The following ATRNL1 variants were observed in gnomAD, a reference collection of about 807,000 sequenced individuals.
The protein encoded by ATRNL1 is attractin like 1, also known as attractin-like protein 1.
Under a neutral mutation model 182.7 loss-of-function variants are expected in ATRNL1, and 95 were observed. The ratio of observed to expected loss-of-function variants is 0.52; its 90% CI spans 0.44 to 0.62. The LOEUF (loss-of-function observed/expected upper bound fraction) is 0.62, where lower values mean the gene tolerates loss of function less well. Among genes scored for constraint, ATRNL1 ranks in the 20% least tolerant of loss-of-function variants. The pLI, the probability that ATRNL1 is intolerant of heterozygous loss-of-function variation, is 0.00. For synonymous variants in ATRNL1, 576 were observed against 568.3 expected (o/e 1.01, Z -0.19); for missense variants, 1,471 against 1,679.5 (o/e 0.88, Z 2.17).
intron 24 of ATRNL1, among the ~76,000 whole-genome samples, chr10:115,499,380 C>CTAT (rs1849703153): frequency 2.0e-5 from 3 of 152,058 alleles, no homozygotes; most frequent in Admixed American, 2.0e-4. Flanking sequence ...TAAAATGAAA[C>CTAT]TATTTTAAGA....
intron 27 of ATRNL1, among the ~76,000 whole-genome samples, chr10:115,816,753 G>T (rs190079745): frequency 6.6e-6 from 1 of 152,040 alleles, no homozygotes; most frequent in Admixed American, 6.6e-5. Context: ...GTTTCTTCAC[G>T]TAATGCCTGT....
At chr10:115,513,740 A>G (rs570462002) in intron 24 of ATRNL1, among the ~76,000 whole-genome samples, 1 of 151,812 alleles carries the variant, frequency 6.6e-6, no homozygotes, top group East Asian at 1.9e-4. Context: ...CTGCAACAGT[A>G]TTTTCCATAG....
chr10:115,725,277 A>G (rs943907481), intron 26 of ATRNL1, among the ~76,000 whole-genome samples: 1 of 152,186 alleles, frequency 6.6e-6, no homozygotes, highest in South Asian at 2.1e-4. Flanking sequence ...GAACAAAAGT[A>G]TCAGTCACTG....
chr10:115,828,699 A>G (rs1950493808), intron 27 of ATRNL1, among the ~76,000 whole-genome samples: 1 of 152,130 alleles, frequency 6.6e-6, no homozygotes, highest in Admixed American at 6.5e-5. Flanking sequence ...TTTTATTACT[A>G]TTTCAGTGGC....
At chr10:115,340,591 G>T (rs1307695781) in intron 19 of ATRNL1, among the ~76,000 whole-genome samples, 1 of 145,806 alleles carries the variant, frequency 6.9e-6, no homozygotes. Context: ...AGAATAGTTT[G>T]AGTAGGATTG....
Position 115,240,375 on chromosome 10 carries a change from C to T in ATRNL1, c.1533-1196C>T, listed in dbSNP as rs564179832. Reference sequence around the variant, plus strand: ...CAAGCAATTCTCCTGCCTCAGCCTCCCGAGTAGCTGGGACTACGGGCACGT... The same window carrying T: ...CAAGCAATTCTCCTGCCTCAGCCTCTCGAGTAGCTGGGACTACGGGCACGT... On this transcript the variant is annotated intron_variant, in intron 9 of 28. Coordinates refer to ENST00000355044, the MANE Select transcript of ATRNL1 (RefSeq NM_207303.4). 6.6e-4 allele frequency among the ~76,000 whole-genome samples: 100 copies of T among 151,976 alleles called. No individual in the cohort carries two copies. In the Middle Eastern group the frequency reaches 0.017, roughly 26 times the overall value.
At chr10:115,722,561 G>A (rs1947463347) in intron 26 of ATRNL1, among the ~76,000 whole-genome samples, 1 of 152,054 alleles carries the variant, frequency 6.6e-6, no homozygotes, top group African/African-American at 2.4e-5. Context: ...TGTATGCTAA[G>A]TATGTTTGTG....
intron 28 of ATRNL1, among the ~76,000 whole-genome samples, chr10:115,879,190 C>A (rs1180891090): frequency 1.3e-5 from 2 of 151,084 alleles, no homozygotes; most frequent in African/African-American, 4.9e-5. Context: ...GCCTGTAGTC[C>A]CAGCTACTCA....
At chr10:115,298,334 A>G (rs1167426796) in intron 15 of ATRNL1, among the ~76,000 whole-genome samples, 1 of 152,178 alleles carries the variant, frequency 6.6e-6, no homozygotes. Flanking sequence ...TTTATCTTAC[A>G]TAAGATAATG....
chr10:115,836,618 C>A lies in ATRNL1; in HGVS notation c.3904-11259C>A, dbSNP rs574286607. Among the ~76,000 whole-genome samples, 39 of 152,298 alleles carry A rather than the reference C, an allele frequency of 2.6e-4. 1 individual carries two copies. In the South Asian group the frequency reaches 7.7e-3, roughly 30 times the overall value. On this transcript the variant is annotated intron_variant, in intron 27 of 28. Coordinates refer to ENST00000355044, the MANE Select transcript of ATRNL1 (RefSeq NM_207303.4). ...TCTGCCTCTGTCTTCACATGGTGAA[C>A]TCTTCGGTGACTCTCCCGTGTGGCA...
chr10:115,402,359 G>C (rs1844607129), intron 20 of ATRNL1, among the ~76,000 whole-genome samples: 2 of 151,896 alleles, frequency 1.3e-5, no homozygotes, highest in African/African-American at 4.8e-5. Context: ...CTGCACCCCT[G>C]GTTTCTCTTT....
intron 28 of ATRNL1, among the ~76,000 whole-genome samples, chr10:115,877,522 C>T (rs1951727580): frequency 6.6e-6 from 1 of 152,162 alleles, no homozygotes; most frequent in South Asian, 2.1e-4. Flanking sequence ...TACATAAAAG[C>T]TTCATTTATT....
At position 115,738,125 on chromosome 10, in the gene ATRNL1, G is replaced by GTTTTTTTTTTTTTT. The variant is rs1565334914; in HGVS notation, c.3903+10770_3903+10771insTTTTTTTTTTTTTT. 1.1e-4 allele frequency among the ~76,000 whole-genome samples: 6 copies of GTTTTTTTTTTTTTT among 53,150 alleles called. 1 individual carries two copies. The highest frequency in any genetic ancestry group is 1.1e-4 in the African/African-American group (2 of 17,480). 34.9% of individuals were successfully genotyped at this position (53,150 alleles called of 152,430 possible). A position where few individuals can be genotyped will look rare whatever the true frequency, so the allele number is the denominator to read the frequency against. On this transcript the variant is annotated intron_variant, in intron 27 of 28. Coordinates refer to ENST00000355044, the MANE Select transcript of ATRNL1 (RefSeq NM_207303.4). The stretch of plus-strand genomic sequence containing the variant: ...CATAAAAAATGATTTAGAAGATAAT[G>GTTTTTTTTTTTTTT]ATTTTTTTTTTTTTTTTTTTTTTTT...
chr10:115,229,265 C>T (rs1280934794), intron 9 of ATRNL1, among the ~76,000 whole-genome samples: 2 of 152,044 alleles, frequency 1.3e-5, no homozygotes, highest in East Asian at 1.9e-4. Context: ...GTTGTTTTTA[C>T]ATTAAAATAT....
At chr10:115,550,816 C>A (rs1461346897) in intron 26 of ATRNL1, among the ~76,000 whole-genome samples, 1 of 151,674 alleles carries the variant, frequency 6.6e-6, no homozygotes, top group Non-Finnish European at 1.5e-5. Context: ...AGTGTGAAGG[C>A]CTTCCTTCCC....
intron 27 of ATRNL1, among the ~76,000 whole-genome samples, chr10:115,773,194 TA>T (rs561197865): frequency 1.3e-5 from 2 of 152,300 alleles, no homozygotes; most frequent in East Asian, 3.9e-4. Context: ...ACATTGTATA[TA>T]AAAGGAAAAG....
chr10:115,297,597 A>T (rs1404489655), intron 15 of ATRNL1, among the ~76,000 whole-genome samples: 1 of 150,230 alleles, frequency 6.7e-6, no homozygotes, highest in Non-Finnish European at 1.5e-5. Flanking sequence ...GTGAGCCAAG[A>T]TCGAGATTGC....
At chr10:115,381,239 G>T (rs1405878717) in intron 19 of ATRNL1, among the ~76,000 whole-genome samples, 1 of 151,262 alleles carries the variant, frequency 6.6e-6, no homozygotes, top group Admixed American at 6.6e-5. Flanking sequence ...TTTTTAGTTG[G>T]GTATTTATCT....
chr10:115,647,799 A>G (rs1859728282), intron 26 of ATRNL1, among the ~76,000 whole-genome samples: 3 of 151,896 alleles, frequency 2.0e-5, no homozygotes, highest in African/African-American at 4.8e-5. Context: ...AAGTTCTTTA[A>G]TTAGATCCCA....
Sources: gnomAD v4.1 joint callset for allele counts (sites outside exome capture counted in the v4.1 genomes callset) on GRCh38, gnomAD v4.1.1 for gene constraint, MANE v1.5 for transcripts, NCBI Gene and HGNC (gene_info 2026-07-23, HGNC 2026-07-21) for gene names.